Variants in SPAG16 observed in about 807,000 individuals in gnomAD.
The protein encoded by SPAG16 is sperm associated antigen 16.
In SPAG16, 86 loss-of-function variants were observed where a neutral mutation model predicts 80.4. The ratio of observed to expected loss-of-function variants is 1.07; its 90% CI spans 0.90 to 1.28. The LOEUF (loss-of-function observed/expected upper bound fraction) is 1.28. Ranked by LOEUF, SPAG16 falls within the 50% of genes most tolerant of loss-of-function variation. The pLI, the probability that SPAG16 is intolerant of heterozygous loss-of-function variation, is 0.00. For missense variants in SPAG16, 870 were observed against 765.3 expected, an observed-to-expected ratio of 1.14 and a Z score of -1.61; for synonymous variants, 294 against 265.9, an observed-to-expected ratio of 1.11 and a Z score of -1.03.
At chr2:214,321,872 G>T (rs1312237179) in intron 15 of SPAG16, among the ~76,000 whole-genome samples, 2 of 152,092 alleles carry the variant, frequency 1.3e-5, no homozygotes, top group Non-Finnish European at 2.9e-5. Flanking sequence ...TTGTCCTTAA[G>T]GTTAAACCTG....
intron 15 of SPAG16, among the ~76,000 whole-genome samples, chr2:214,312,295 CAGTT>C (rs1339982671): frequency 6.6e-6 from 1 of 152,180 alleles, no homozygotes; most frequent in Non-Finnish European, 1.5e-5. Flanking sequence ...TATTATCTCT[CAGTT>C]TATGCACTTG....
At chr2:213,975,177 T>C (rs1358201656) in intron 12 of SPAG16, among the ~76,000 whole-genome samples, 1 of 151,114 alleles carries the variant, frequency 6.6e-6, no homozygotes, top group African/African-American at 2.4e-5. Context: ...AAACAGATTA[T>C]ATATTTATAG....
intron 9 of SPAG16, among the ~76,000 whole-genome samples, chr2:213,388,731 A>G (rs2067581268): frequency 6.6e-6 from 1 of 152,216 alleles, no homozygotes; most frequent in African/African-American, 2.4e-5. Context: ...AAGCATTTTT[A>G]TTTAAAGTAG....
intron 15 of SPAG16, among the ~76,000 whole-genome samples, chr2:214,221,696 C>T (rs916366030): frequency 1.3e-5 from 2 of 152,140 alleles, no homozygotes; most frequent in Non-Finnish European, 2.9e-5. Context: ...CCAGAGCCTA[C>T]ACACAGACAA....
chr2:214,017,614 G>A (rs1575837948), intron 13 of SPAG16, among the ~76,000 whole-genome samples: 1 of 151,942 alleles, frequency 6.6e-6, no homozygotes, highest in Admixed American at 6.6e-5. Flanking sequence ...GTTTATTGAT[G>A]GTGACCTTCC....
intron 15 of SPAG16, among the ~76,000 whole-genome samples, chr2:214,373,590 A>C (rs1417448106): frequency 6.6e-6 from 1 of 152,154 alleles, no homozygotes; most frequent in Admixed American, 6.6e-5. Flanking sequence ...GAAATCTTAG[A>C]GCAAAGACCC....
Position 213,377,906 on chromosome 2 carries a change from T to A in SPAG16, c.942+2787T>A, listed in dbSNP as rs1182226911. On this transcript the variant is annotated intron_variant, in intron 9 of 15. Coordinates refer to ENST00000331683, the MANE Select transcript of SPAG16 (RefSeq NM_024532.5). ...GTATATATATATATATATATATATT[T>A]TTTTTTTTTTTTCTTTAGAAGGATA... 7.1e-3 allele frequency among the ~76,000 whole-genome samples: 238 copies of A among 33,542 alleles called. No homozygotes were observed. In the African/African-American group the frequency reaches 0.075, roughly 11 times the overall value. 22.0% of individuals were successfully genotyped at this position (33,542 alleles called of 152,430 possible).
At chr2:213,376,377 G>T (rs1481359320) in intron 9 of SPAG16, among the ~76,000 whole-genome samples, 1 of 151,946 alleles carries the variant, frequency 6.6e-6, no homozygotes, top group Non-Finnish European at 1.5e-5. Flanking sequence ...TAAAATATAG[G>T]AAAAGTACAT....
At chr2:213,430,037 T>TTC (rs1302495250) in intron 9 of SPAG16, among the ~76,000 whole-genome samples, 1 of 152,196 alleles carries the variant, frequency 6.6e-6, no homozygotes, top group Non-Finnish European at 1.5e-5. Context: ...AATATTGATT[T>TTC]TTAAAGAAGA....
intron 10 of SPAG16, among the ~76,000 whole-genome samples, chr2:213,600,697 C>T (rs1280914135): frequency 3.3e-5 from 5 of 152,026 alleles, no homozygotes; most frequent in East Asian, 1.9e-4. Flanking sequence ...GAAATTTGGC[C>T]GTACTTAGTG....
At chr2:213,376,287 A>T (rs903680204) in intron 9 of SPAG16, among the ~76,000 whole-genome samples, 1 of 151,970 alleles carries the variant, frequency 6.6e-6, no homozygotes, top group Non-Finnish European at 1.5e-5. Context: ...TGATTTGTTG[A>T]TTCATTCACT....
chr2:213,423,003 T>C (rs1575552065), intron 9 of SPAG16, among the ~76,000 whole-genome samples: 1 of 152,378 alleles, frequency 6.6e-6, no homozygotes. Context: ...TTCCTTAGGC[T>C]GTTACTTCAA....
At chr2:213,833,470 TATA>T (rs1226404525) in intron 10 of SPAG16, among the ~76,000 whole-genome samples, 2 of 17,770 alleles carry the variant, frequency 1.1e-4, no homozygotes, top group African/African-American at 1.8e-4. Context: ...ATATATTATA[TATA>T]ATAATATATA....
rs554235666 is a variant in SPAG16 at position 213,441,576 on chromosome 2, A to G, written c.943-48387A>G. Among the ~76,000 whole-genome samples, 3 of 152,302 alleles carry G rather than the reference A, an allele frequency of 2.0e-5. No homozygotes were observed. The South Asian group carries it at 6.2e-4, about 32-fold the overall frequency. On this transcript the variant is annotated intron_variant, in intron 9 of 15. Coordinates refer to ENST00000331683, the MANE Select transcript of SPAG16 (RefSeq NM_024532.5). ...GGGTGGTAATTAAACAGATGTATTT[A>G]TTTTTGTAAAAATGAATTGAGCTGC... is the stretch of plus-strand genomic sequence containing the variant.
rs542417400 is a variant in SPAG16, at chr2:214,210,834, C to T, written c.1720+61568C>T. Among the ~76,000 whole-genome samples, 10 of 148,070 alleles carry T rather than the reference C, an allele frequency of 6.8e-5. No individual in the cohort carries two copies. The East Asian group carries it at 7.8e-4, about 12-fold the overall frequency. On this transcript the variant is annotated intron_variant, in intron 15 of 15. Coordinates refer to ENST00000331683, the MANE Select transcript of SPAG16 (RefSeq NM_024532.5). ...GCAAAAAAATACACACACACATGCG[C>T]GCGCGCACACACACACACACACATA...
intron 10 of SPAG16, among the ~76,000 whole-genome samples, chr2:213,673,618 T>A (rs1370097880): frequency 6.6e-6 from 1 of 152,186 alleles, no homozygotes; most frequent in East Asian, 1.9e-4. Context: ...ATACAACAAA[T>A]GTTCATACAA....
At chr2:213,573,032 C>T (rs547514596) in intron 10 of SPAG16, among the ~76,000 whole-genome samples, 2 of 152,218 alleles carry the variant, frequency 1.3e-5, no homozygotes, top group South Asian at 2.1e-4. Context: ...TTCTTTGACT[C>T]GGAAAGGGAA....
intron 12 of SPAG16, among the ~76,000 whole-genome samples, chr2:213,970,631 T>A (rs914175655): frequency 6.6e-6 from 1 of 152,200 alleles, no homozygotes; most frequent in Non-Finnish European, 1.5e-5. Flanking sequence ...AACAGCACAC[T>A]ATTGGTGAAC....
At chr2:213,382,059 T>A (rs929785216) in intron 9 of SPAG16, among the ~76,000 whole-genome samples, 5 of 152,068 alleles carry the variant, frequency 3.3e-5, no homozygotes, top group African/African-American at 4.8e-5. Context: ...TTTTTTTTTT[T>A]AATCCATTCT....
Sources: gnomAD v4.1 joint callset for allele counts (sites outside exome capture counted in the v4.1 genomes callset) on GRCh38, gnomAD v4.1.1 for gene constraint, MANE v1.5 for transcripts, NCBI Gene and HGNC (gene_info 2026-07-23, HGNC 2026-07-21) for gene names.